Variants in CDK15 observed in about 807,000 individuals in gnomAD.
CDK15 encodes the protein cyclin-dependent kinase 15.
CDK15 carries 62 observed loss-of-function variants against 60.3 expected under a neutral mutation model. That is an observed-to-expected ratio of 1.03 (90% CI 0.84 to 1.27). CDK15 has a LOEUF of 1.27. Ranked by LOEUF, CDK15 falls within the 50% of genes most tolerant of loss-of-function variation. CDK15 has a pLI of 0.00. For synonymous variants in CDK15, 194 were observed against 195.7 expected (o/e 0.99, Z 0.07); for missense variants, 541 against 527.8 (o/e 1.03, Z -0.25).
chr2:201,863,488 T>C (rs1355555705), intron 10 of CDK15, among the ~76,000 whole-genome samples: 5 of 152,160 alleles, frequency 3.3e-5, no homozygotes, highest in Non-Finnish European at 7.4e-5. Flanking sequence ...AAATAACATG[T>C]AAATGGCTCA....
chr2:201,838,268 G>A (rs552718413), intron 8 of CDK15, among the ~76,000 whole-genome samples: 9 of 151,784 alleles, frequency 5.9e-5, no homozygotes, highest in Admixed American at 4.6e-4. Flanking sequence ...GGTGGTGGGG[G>A]GTATCACTGG....
intron 10 of CDK15, among the ~76,000 whole-genome samples, chr2:201,867,711 C>G (rs1422384000): frequency 2.0e-5 from 3 of 152,132 alleles, no homozygotes; most frequent in African/African-American, 7.2e-5. Context: ...AATCAAACCT[C>G]AGGGCTTCCT....
At chr2:201,891,480 C>T (rs13385173) in intron 13 of CDK15, among the ~76,000 whole-genome samples, 12,879 of 152,076 alleles carry the variant, frequency 0.085, 1,102 homozygotes, top group African/African-American at 0.21. Flanking sequence ...AAGGGGTTTC[C>T]GGGATGTAGG....
chr2:201,821,039 G>T (rs1465321533), intron 4 of CDK15, among the ~76,000 whole-genome samples: 1 of 152,112 alleles, frequency 6.6e-6, no homozygotes, highest in Admixed American at 6.5e-5. Flanking sequence ...TCAGGAAGCC[G>T]TGTCTCTCAT....
intron 11 of CDK15, among the ~76,000 whole-genome samples, chr2:201,878,531 G>C (rs1236722873): frequency 2.6e-5 from 4 of 152,116 alleles, no homozygotes; most frequent in Non-Finnish European, 2.9e-5. Flanking sequence ...AGGTATTGAG[G>C]CTATCTTAAC....
In CDK15 at chr2:201,824,692, A is replaced by T. The variant is rs1436792037; in HGVS notation, c.606+965A>T. The T allele has an allele frequency of 1.0e-5, 4 of 390,954 alleles. No individual in the cohort carries two copies. In the East Asian group the frequency reaches 2.7e-4, roughly 27 times the overall value. 24.2% of individuals were successfully genotyped at this position (390,954 alleles called of 1,614,324 possible). A position where few individuals can be genotyped will look rare whatever the true frequency, so the allele number is the denominator to read the frequency against. ...AGTTAATAGTTCTAATGGAATGGTG[A>T]ACCCAAGAGCCATATCAGCGCTAGC... On this transcript the variant is annotated intron_variant, in intron 6 of 13. Transcript: ENST00000652192.
intron 4 of CDK15, among the ~76,000 whole-genome samples, chr2:201,816,872 G>A (rs188934913): frequency 7.9e-5 from 12 of 152,168 alleles, no homozygotes; most frequent in Admixed American, 3.9e-4. Context: ...ACCCTTTCCC[G>A]TAGCAACAAC....
intron 8 of CDK15, among the ~76,000 whole-genome samples, chr2:201,837,915 A>G (rs1171436178): frequency 6.6e-6 from 1 of 152,192 alleles, no homozygotes; most frequent in African/African-American, 2.4e-5. Context: ...TCTCCAGTGT[A>G]GAGTCATTGA....
rs1359004229 is a variant in CDK15 at position 201,806,780 on chromosome 2, C to T, written c.116C>T (p.Ala39Val). 8.1e-6 allele frequency: 13 copies of T among 1,598,254 alleles called. No homozygotes were observed. Among genetic ancestry groups the T allele is most frequent in the Non-Finnish European group, 1.1e-5 (13 of 1,179,552 alleles). Residue 39 changes from alanine (A) to valine (V), a missense_variant, in exon 1 of 14, where the codon GCG (alanine) becomes GTG (valine). Ala to Val is a moderately conservative substitution (Grantham distance 64). Coordinates refer to ENST00000652192, the MANE Select transcript of CDK15 (RefSeq NM_001366386.2). The stretch of plus-strand genomic sequence containing the variant: ...AGTCAGCCTGAGACCACGGAGGCTG[C>T]GTTCAAGGTATTTGTATCCCAGGAG... ...RRSQPETTEA[A>V]FKLTDLKEAS... is the part of the protein sequence containing the mutation.
chr2:201,837,514 A>G (rs559026344), intron 8 of CDK15, among the ~76,000 whole-genome samples: 4 of 138,848 alleles, frequency 2.9e-5, no homozygotes, highest in South Asian at 2.3e-4. Flanking sequence ...AAGGAAGGAA[A>G]GAAGGAAAGA....
chr2:201,864,811 A>C, intron 10 of CDK15, among the ~76,000 whole-genome samples: 1 of 152,260 alleles, frequency 6.6e-6, no homozygotes, highest in East Asian at 1.9e-4. Flanking sequence ...GTGGAACCAC[A>C]AAATGGAGAT....
chr2:201,827,264 A>T (rs1209193635), intron 6 of CDK15, among the ~76,000 whole-genome samples: 1 of 152,180 alleles, frequency 6.6e-6, no homozygotes, highest in Non-Finnish European at 1.5e-5. Context: ...TGGGCAACAT[A>T]GCAAGACCTC....
At chr2:201,860,930 A>G (rs900799394) in intron 10 of CDK15, 2 of 1,307,140 alleles carry the variant, frequency 1.5e-6, no homozygotes, top group South Asian at 1.2e-5. Flanking sequence ...ATAAAGAGCT[A>G]TTCTGCTTTG....
At chr2:201,811,212 A>G (rs1330821908) in intron 3 of CDK15, among the ~76,000 whole-genome samples, 2 of 147,558 alleles carry the variant, frequency 1.4e-5, no homozygotes, top group Admixed American at 6.8e-5. Context: ...GTGCAGTGGC[A>G]CGATCTTGGC....
intron 10 of CDK15, among the ~76,000 whole-genome samples, chr2:201,863,729 CTA>C (rs1159956538): frequency 6.6e-6 from 1 of 152,182 alleles, no homozygotes; most frequent in Non-Finnish European, 1.5e-5. Context: ...AACCCTGTCT[CTA>C]CTAAAAATAC....
intron 9 of CDK15, among the ~76,000 whole-genome samples, chr2:201,850,599 C>A (rs562061763): frequency 6.6e-6 from 1 of 152,302 alleles, no homozygotes; most frequent in Non-Finnish European, 1.5e-5. Flanking sequence ...AAACTGCATT[C>A]AATGAACATG....
chr2:201,817,611 G>C (rs956666234), intron 4 of CDK15, among the ~76,000 whole-genome samples: 2 of 152,112 alleles, frequency 1.3e-5, no homozygotes, highest in Non-Finnish European at 2.9e-5. Context: ...CCATATATGA[G>C]AAAACTGAGC....
At chr2:201,890,609 C>A (rs1189196806) in intron 12 of CDK15, among the ~76,000 whole-genome samples, 176 bp from the exon 13 acceptor site, 1 of 152,134 alleles carries the variant, frequency 6.6e-6, no homozygotes, top group Non-Finnish European at 1.5e-5. Context: ...AAGGCACTTG[C>A]CAACTATTGG....
intron 6 of CDK15, chr2:201,824,905 T>G: frequency 2.1e-6 from 1 of 473,032 alleles, no homozygotes; most frequent in Non-Finnish European, 3.0e-6. Flanking sequence ...TTTTCCATAG[T>G]AGTAAATTTT....
Sources: allele counts gnomAD v4.1 joint callset (sites outside exome capture counted in the v4.1 genomes callset), GRCh38; gene constraint gnomAD v4.1.1; transcripts MANE v1.5; gene names NCBI Gene and HGNC (gene_info 2026-07-23, HGNC 2026-07-21).